EIF2AK1: variants seen among roughly 807,000 people sequenced by gnomAD.
The protein encoded by EIF2AK1 is eukaryotic translation initiation factor 2 alpha kinase 1.
A neutral mutation model predicts 77.9 loss-of-function variants in EIF2AK1; 54 were observed. That is an observed-to-expected ratio of 0.69 (90% CI 0.56 to 0.87). EIF2AK1 has a LOEUF of 0.87. EIF2AK1 is among the 40% of genes least tolerant of loss of function. The pLI, the probability that EIF2AK1 is intolerant of heterozygous loss-of-function variation, is 0.00. For missense variants in EIF2AK1, 810 were observed against 768.6 expected (o/e 1.05, Z -0.64); for synonymous variants, 314 against 290.5 (o/e 1.08, Z -0.82).
At chr7:6,042,561 AAAAGAC>A (rs1167820480) in intron 8 of EIF2AK1, among the ~76,000 whole-genome samples, 1 of 151,582 alleles carries the variant, frequency 6.6e-6, no homozygotes, top group Non-Finnish European at 1.5e-5. Context: ...TCCTTGTAGC[AAAAGAC>A]AAAGATAGCC....
At chr7:6,028,254 G>GT (rs10710249) in intron 13 of EIF2AK1, among the ~76,000 whole-genome samples, 54 of 138,046 alleles carry the variant, frequency 3.9e-4, no homozygotes, top group Admixed American at 1.1e-3. Flanking sequence ...TGTACTGTTT[G>GT]TTTTTTTTTT....
chr7:6,045,733 T>TTATATATATATATATATATA (rs57579824), intron 6 of EIF2AK1, among the ~76,000 whole-genome samples: 78 of 138,016 alleles, frequency 5.7e-4, no homozygotes, highest in South Asian at 1.7e-3. Context: ...ATTTTAAAAA[T>TTATATATATATATATATATA]TATATATATA....
In EIF2AK1 at chr7:6,027,090, A is replaced by C; in HGVS notation, c.1531-129T>G. 2 of 753,904 alleles carry C rather than the reference A, an allele frequency of 2.7e-6. No homozygotes were observed. The highest frequency in any genetic ancestry group is 4.4e-6 in the Non-Finnish European group (2 of 453,670). The allele number at this position is 753,904 out of a possible 1,614,324, so 46.7% of individuals were successfully genotyped here. A position where few individuals can be genotyped will look rare whatever the true frequency, so the allele number is the denominator to read the frequency against. On this transcript the variant is annotated intron_variant, in intron 13 of 14. Coordinates refer to ENST00000199389, the MANE Select transcript of EIF2AK1 (RefSeq NM_014413.4). The surrounding 1 kb of genome is among the most constrained non-coding windows in gnomAD (Gnocchi z 4.5). Reference sequence around the variant, plus strand: ...GAGGATATACGGTCACCCACAAGGAAGGGAACAGAGCAGGATAGCTCATCA... The same window carrying C: ...GAGGATATACGGTCACCCACAAGGACGGGAACAGAGCAGGATAGCTCATCA...
chr7:6,041,851 A>AAT (rs1788308473), intron 8 of EIF2AK1, among the ~76,000 whole-genome samples: 1 of 151,630 alleles, frequency 6.6e-6, no homozygotes, highest in African/African-American at 2.4e-5. Context: ...AAAAAAAAAA[A>AAT]AAAAGCCAAT....
chr7:6,059,118 G>C lies in EIF2AK1; in HGVS notation c.-35C>G, dbSNP rs909188728. 7 of 1,317,592 alleles carry C rather than the reference G, an allele frequency of 5.3e-6. No homozygotes were observed. Among genetic ancestry groups the C allele is most frequent in the East Asian group, 3.1e-5 (1 of 32,164 alleles). 81.6% of individuals were successfully genotyped at this position (1,317,592 alleles called of 1,614,324 possible). On this transcript the variant is annotated 5_prime_UTR_variant, in exon 1 of 15. Coordinates refer to ENST00000199389, the MANE Select transcript of EIF2AK1 (RefSeq NM_014413.4). ...CGCGCGGGCCGCAGCCCAGCCCGCC[G>C]GCCAGCCCAGCACTGCCACACTCCG...
chr7:6,055,432 T>C (rs921353859), intron 1 of EIF2AK1, among the ~76,000 whole-genome samples: 3 of 151,522 alleles, frequency 2.0e-5, no homozygotes, highest in African/African-American at 7.3e-5. Context: ...GTGTGCTACT[T>C]ATCTACATGT....
chr7:6,056,611 A>ATATATATATAT (rs1360501857), intron 1 of EIF2AK1, among the ~76,000 whole-genome samples: 4 of 31,158 alleles, frequency 1.3e-4, no homozygotes, highest in Admixed American at 2.5e-4. Flanking sequence ...AAAAAAAAAA[A>ATATATATATAT]AAATATATAT....
At chr7:6,049,548 GAAACA>G (rs1187805083) in intron 3 of EIF2AK1, among the ~76,000 whole-genome samples, 2 of 151,138 alleles carry the variant, frequency 1.3e-5, no homozygotes, top group African/African-American at 2.4e-5. Flanking sequence ...GTCTCAAAAC[GAAACA>G]AAACAAAACA....
At chr7:6,051,273 C>CTTTT (rs34563208) in intron 2 of EIF2AK1, among the ~76,000 whole-genome samples, 2 of 137,476 alleles carry the variant, frequency 1.5e-5, no homozygotes, top group African/African-American at 2.6e-5. Flanking sequence ...TTTTTTCTTT[C>CTTTT]TTTTTTTTTT....
At chr7:6,043,997 G>T (rs574297473) in intron 7 of EIF2AK1, among the ~76,000 whole-genome samples, 73 of 151,944 alleles carry the variant, frequency 4.8e-4, no homozygotes, top group Admixed American at 3.2e-3. Context: ...TACTCGGGAG[G>T]CTGAGGCAGA....
At position 6,049,938 on chromosome 7, in the gene EIF2AK1, T is replaced by C. The variant is rs770038351; in HGVS notation, c.385A>G (p.Arg129Gly). ...HHNRAITHLM[R>G]SAKERVRQDP... ...TGACGAACTCTCTCTTTAGCAGACC[T>C]CATTAAGTGAGTAATAGCTCTGTTG... Residue 129 changes from arginine (R) to glycine (G), a missense_variant, in exon 3 of 15, where the codon AGG becomes GGG. Transcript: ENST00000199389. The C allele has an allele frequency of 6.2e-6, 10 of 1,612,288 alleles. No individual in the cohort carries two copies. In the Admixed American group the frequency reaches 1.7e-4, roughly 27 times the overall value.
At chr7:6,058,618 T>C (rs1162911143) in intron 1 of EIF2AK1, among the ~76,000 whole-genome samples, 1 of 152,148 alleles carries the variant, frequency 6.6e-6, no homozygotes, top group Non-Finnish European at 1.5e-5. Context: ...CTTGCAGTAA[T>C]GAAAGAAGAT....
chr7:6,056,613 A>AAAAAAAAAAAAATATATATATATAT, intron 1 of EIF2AK1, among the ~76,000 whole-genome samples: 3 of 43,730 alleles, frequency 6.9e-5, no homozygotes, highest in African/African-American at 2.5e-4. Flanking sequence ...AAAAAAAAAA[A>AAAAAAAAAAAAATATATATATATAT]ATATATATAT....
intron 2 of EIF2AK1, 67 bp downstream of exon 2, chr7:6,054,479 C>G (rs893958888): frequency 6.4e-7 from 1 of 1,564,810 alleles, no homozygotes; most frequent in African/African-American, 1.4e-5. Context: ...GCTGGGATTA[C>G]AGGCATGAAC....
chr7:6,058,409 T>C (rs2128452814), intron 1 of EIF2AK1, among the ~76,000 whole-genome samples: 1 of 152,204 alleles, frequency 6.6e-6, no homozygotes, highest in Middle Eastern at 3.4e-3. Context: ...ACAGCAAGCC[T>C]GTCTTCAAAA....
Position 6,050,519 on chromosome 7 carries a change from G to A in EIF2AK1, c.278-474C>T, listed in dbSNP as rs557826418. ...CCTTAGATAAATTTTTTTAAAAAGC[G>A]AAGAAACTTGGGGAATGATTCTCTA... On this transcript the variant is annotated intron_variant, in intron 2 of 14. Coordinates refer to ENST00000199389, the MANE Select transcript of EIF2AK1 (RefSeq NM_014413.4). 4.0e-5 allele frequency among the ~76,000 whole-genome samples: 6 copies of A among 151,572 alleles called. No individual in the cohort carries two copies. In the East Asian group the frequency reaches 5.8e-4, roughly 15 times the overall value.
chr7:6,027,962 C>A lies in EIF2AK1; in HGVS notation c.1530+653G>T, dbSNP rs753214432. On this transcript the variant is annotated intron_variant, in intron 13 of 14. Transcript: ENST00000199389. This position sits in a 1 kb window ranked among gnomAD's most constrained non-coding sequence, Gnocchi z 4.5. ...CTTGAAGTCACAGTTACATGGGAGG[C>A]TGAGGTGGGAGGATCACTTGAGCCC... 4.0e-5 allele frequency: 18 copies of A among 453,540 alleles called. No homozygotes were observed. Among genetic ancestry groups the A allele is most frequent in the Admixed American group, 9.5e-5 (4 of 42,230 alleles). The allele number at this position is 453,540 out of a possible 1,614,324, so 28.1% of individuals were successfully genotyped here.
At position 6,026,829 on chromosome 7, in the gene EIF2AK1, C is replaced by T. The variant is rs1787760590; in HGVS notation, c.1663G>A (p.Val555Met). Reference sequence around the variant, plus strand: ...AAGTGCTGGATATACTTGGCTTGCACTGGACACCTTTTACGGAGGGATTCC... The same window carrying T: ...AAGTGCTGGATATACTTGGCTTGCATTGGACACCTTTTACGGAGGGATTCC... ...LPESLRKRCP[V>M]QAKYIQHLTR... is the part of the protein sequence containing the mutation. Residue 555 changes from valine to methionine, a missense_variant, in exon 14 of 15, where the codon GTG becomes ATG. Val to Met is a conservative substitution (Grantham distance 21). Coordinates refer to ENST00000199389, the MANE Select transcript of EIF2AK1 (RefSeq NM_014413.4). 1 of 1,614,102 alleles carries T rather than the reference C, an allele frequency of 6.2e-7. No individual in the cohort carries two copies. Among genetic ancestry groups the T allele is most frequent in the African/African-American group, 1.3e-5 (1 of 74,938 alleles).
rs756176778 is a variant in EIF2AK1, at chr7:6,023,271, G to T, written c.*1402C>A. ...GAGTACTTCCCTCAGGGCTGCTCTG[G>T]TGATGCTACCTGGCGTGTTTTTTCT... On this transcript the variant is annotated 3_prime_UTR_variant, in exon 15 of 15. Transcript: ENST00000199389. 2 of 1,557,026 alleles carry T rather than the reference G, an allele frequency of 1.3e-6. No individual in the cohort carries two copies. Among genetic ancestry groups the T allele is most frequent in the Admixed American group, 3.7e-5 (2 of 54,042 alleles).
Sources: gnomAD v4.1 joint callset for allele counts (sites outside exome capture counted in the v4.1 genomes callset) on GRCh38, gnomAD v4.1.1 for gene constraint, Gnocchi (gnomAD v3.1) non-coding constraint, MANE v1.5 for transcripts, NCBI Gene and HGNC (gene_info 2026-07-23, HGNC 2026-07-21) for gene names.